Variants in OR6N1 observed in about 807,000 individuals in gnomAD.
OR6N1 encodes the protein olfactory receptor 6N1.
For synonymous variants in OR6N1, 170 were observed against 150.7 expected (o/e 1.13, Z -0.94); for missense variants, 394 against 371.7 (o/e 1.06, Z -0.49).
At chr1:158,826,175 C>T in the OR6N1 span, among the ~76,000 whole-genome samples, 12 of 151,980 alleles carry the variant, frequency 7.9e-5, 1 homozygote, top group East Asian at 1.9e-3. Flanking sequence ...ACATATCATG[C>T]TAATTACCTA....
the OR6N1 span, among the ~76,000 whole-genome samples, chr1:158,801,528 A>G: frequency 9.2e-5 from 14 of 152,336 alleles, no homozygotes; most frequent in Non-Finnish European, 1.6e-4. Context: ...TTGTTGGTCT[A>G]GAAGGGCTGT....
chr1:158,832,655 T>G, the OR6N1 span, among the ~76,000 whole-genome samples: 1 of 151,708 alleles, frequency 6.6e-6, no homozygotes, highest in Non-Finnish European at 1.5e-5. Context: ...TTTACCATTA[T>G]GTAGTGAAAC....
chr1:158,803,979 C>T, the OR6N1 span, among the ~76,000 whole-genome samples: 1 of 152,190 alleles, frequency 6.6e-6, no homozygotes, highest in Admixed American at 6.5e-5. Context: ...GAAGCCAATA[C>T]TGTGACACCA....
At chr1:158,800,914 C>T in the OR6N1 span, among the ~76,000 whole-genome samples, 1 of 152,154 alleles carries the variant, frequency 6.6e-6, no homozygotes, top group Admixed American at 6.5e-5. Flanking sequence ...CACGCTTGGT[C>T]TTCAGAGAAC....
the OR6N1 span, among the ~76,000 whole-genome samples, chr1:158,829,365 AT>A: frequency 7.5e-3 from 1,145 of 152,252 alleles, 4 homozygotes; most frequent in Middle Eastern, 0.027. Context: ...CTGCTTAGAA[AT>A]TTCTTCCATC....
At position 158,766,729 on chromosome 1, in the gene OR6N1, A is replaced by G. The variant is rs759022083; in HGVS notation, c.-18-29T>C. The G allele has an allele frequency of 2.8e-6, 4 of 1,417,726 alleles. No individual in the cohort carries two copies. The South Asian group carries it at 5.2e-5, about 19-fold the overall frequency. The allele number at this position is 1,417,726 out of a possible 1,614,324, so 87.8% of individuals were successfully genotyped here. ...GATGTGAAGTGTGGAAGGATAGGAA[A>G]GAAAGTTGAACTATAGGGTTCTAAC... is the stretch of plus-strand genomic sequence containing the variant. On this transcript the variant is annotated intron_variant, in intron 1 of 1. Coordinates refer to ENST00000641846, the MANE Select transcript of OR6N1 (RefSeq NM_001005185.2).
intron 1 of OR6N1, among the ~76,000 whole-genome samples, chr1:158,770,401 G>A (rs1232457240): frequency 1.3e-5 from 2 of 152,086 alleles, no homozygotes; most frequent in Non-Finnish European, 2.9e-5. Context: ...GTTCTCAGAG[G>A]TTTGGACCAT....
chr1:158,796,769 T>A, the OR6N1 span, among the ~76,000 whole-genome samples: 1 of 152,208 alleles, frequency 6.6e-6, no homozygotes, highest in African/African-American at 2.4e-5. Context: ...TTTCTGTTTG[T>A]GTATGTACAT....
At chr1:158,832,631 T>C in the OR6N1 span, among the ~76,000 whole-genome samples, 1 of 151,476 alleles carries the variant, frequency 6.6e-6, no homozygotes, top group Non-Finnish European at 1.5e-5. Context: ...TATATCTTTT[T>C]CCAAGTTGCA....
At chr1:158,801,869 C>T in the OR6N1 span, among the ~76,000 whole-genome samples, 2 of 152,074 alleles carry the variant, frequency 1.3e-5, no homozygotes, top group Non-Finnish European at 2.9e-5. Context: ...TCTGTACCAC[C>T]CCTGCCCATT....
chr1:158,772,876 T>A (rs947374681), upstream of OR6N1, among the ~76,000 whole-genome samples: 2 of 152,210 alleles, frequency 1.3e-5, no homozygotes, highest in Non-Finnish European at 2.9e-5. Context: ...AAGTACTATA[T>A]GTGAGGTGAT....
chr1:158,817,275 C>A, the OR6N1 span, among the ~76,000 whole-genome samples: 1 of 152,160 alleles, frequency 6.6e-6, no homozygotes, highest in Non-Finnish European at 1.5e-5. Context: ...TCTAGTTTGC[C>A]TTAGCTATTT....
upstream of OR6N1, chr1:158,775,893 C>T (rs1657580490): frequency 6.6e-6 from 1 of 152,112 alleles, no homozygotes; most frequent in Admixed American, 6.5e-5. Flanking sequence ...TCAATTTTGA[C>T]ATGTTAAGTT....
the OR6N1 span, among the ~76,000 whole-genome samples, chr1:158,839,813 T>G: frequency 3.3e-5 from 5 of 152,198 alleles, no homozygotes; most frequent in Non-Finnish European, 7.4e-5. Context: ...CTGAAAACAT[T>G]AGTTTGGTTC....
At chr1:158,786,367 C>A in the OR6N1 span, among the ~76,000 whole-genome samples, 1 of 151,778 alleles carries the variant, frequency 6.6e-6, no homozygotes, top group Admixed American at 6.6e-5. Flanking sequence ...AGGGATGTGG[C>A]GAAAAAGGAA....
the OR6N1 span, chr1:158,777,647 G>A: frequency 6.4e-7 from 1 of 1,556,950 alleles, no homozygotes; most frequent in Non-Finnish European, 8.8e-7. Context: ...GGAGGCTGAG[G>A]TAAAGAAGGA....
the OR6N1 span, among the ~76,000 whole-genome samples, chr1:158,824,447 G>C: frequency 6.6e-6 from 1 of 152,060 alleles, no homozygotes; most frequent in Non-Finnish European, 1.5e-5. Flanking sequence ...TATGATTTTG[G>C]TTTCTTTGAA....
chr1:158,764,622 T>C lies in OR6N1; in HGVS notation c.*1122A>G, dbSNP rs1230271317. 1 of 152,108 alleles carries C rather than the reference T, an allele frequency of 6.6e-6. No homozygotes were observed. The highest frequency in any genetic ancestry group is 1.5e-5 in the Non-Finnish European group (1 of 67,970). The allele number at this position is 152,108 out of a possible 1,614,324, so 9.4% of individuals were successfully genotyped here. On this transcript the variant is annotated 3_prime_UTR_variant, in exon 2 of 2. Coordinates refer to ENST00000641846, the MANE Select transcript of OR6N1 (RefSeq NM_001005185.2). ...ATTCAAAGATTTCTTGTAGTTAATA[T>C]TTGATCCTCCATTCATGGAAGGATA... is the stretch of plus-strand genomic sequence containing the variant.
chr1:158,814,419 C>T, the OR6N1 span, among the ~76,000 whole-genome samples: 1 of 152,128 alleles, frequency 6.6e-6, no homozygotes, highest in Non-Finnish European at 1.5e-5. Context: ...GGGCCTTAGA[C>T]AGGGTCTTAG....
Sources: gnomAD v4.1 joint callset for allele counts (sites outside exome capture counted in the v4.1 genomes callset) on GRCh38, gnomAD v4.1.1 for gene constraint, MANE v1.5 for transcripts, NCBI Gene and HGNC (gene_info 2026-07-23, HGNC 2026-07-21) for gene names.